GALNS: variants seen among roughly 807,000 people sequenced by gnomAD.
GALNS encodes N-acetylgalactosamine-6-sulfatase.
GALNS carries 65 observed loss-of-function variants against 65.9 expected under a neutral mutation model. The ratio of observed to expected loss-of-function variants is 0.99; its 90% CI spans 0.81 to 1.21. The LOEUF is 1.21. Among genes scored for constraint, GALNS ranks in the 50% most tolerant of loss-of-function variants. The pLI, the probability that GALNS is intolerant of heterozygous loss-of-function variation, is 0.00. For synonymous variants in GALNS, 346 were observed against 288.9 expected, an observed-to-expected ratio of 1.20 and a Z score of -2.00; for missense variants, 776 against 700.7, an observed-to-expected ratio of 1.11 and a Z score of -1.21.
intron 1 of GALNS, chr16:88,855,148 T>C (rs1280962993): frequency 3.3e-6 from 2 of 603,572 alleles, no homozygotes. Context: ...CTTTATATTT[T>C]ATTTAACCCA....
intron 11 of GALNS, 33 bp downstream of exon 11, chr16:88,824,734 G>T: frequency 6.3e-7 from 1 of 1,578,866 alleles, no homozygotes; most frequent in Admixed American, 1.7e-5. Flanking sequence ...GATGGGGGCA[G>T]CTCCGCCTGC....
rs1912009292 is a variant in GALNS, at chr16:88,835,347, C to T, written c.764G>A (p.Gly255Glu). ...GTCATCAATCTCCCGGACGGCGTCT[C>T]CATACCTGCAGGATGGTGACAAAAG... is the stretch of plus-strand genomic sequence containing the variant. ...FLGTSQRGRY[G>E]DAVREIDDSI... Residue 255 changes from glycine (G) to glutamate (E), a missense_variant, in exon 8 of 14, where the codon GGA (glycine) becomes GAA (glutamate). Coordinates refer to ENST00000268695, the MANE Select transcript of GALNS (RefSeq NM_000512.5). The T allele has an allele frequency of 6.2e-7, 1 of 1,613,534 alleles. No individual in the cohort carries two copies. The highest frequency in any genetic ancestry group is 1.7e-5 in the Admixed American group (1 of 59,922).
intron 1 of GALNS, chr16:88,855,845 G>A (rs1294279199): frequency 1.0e-5 from 5 of 499,108 alleles, no homozygotes; most frequent in African/African-American, 1.9e-5. Flanking sequence ...TCTGCTGGTC[G>A]GAGCCAGCAC....
chr16:88,837,756 A>T lies in GALNS; in HGVS notation c.432T>A (p.Gly144=). ...VSKIVGKWHL[G]HRPQFHPLKH... ...TCAGGGGGTGGAACTGGGGCCTGTG[A>T]CCCAGATGCCTGGAAACAGGAACCC... Residue 144 remains glycine, a synonymous_variant, in exon 5 of 14, where the codon GGT becomes GGA. Transcript: ENST00000268695. The T allele has an allele frequency of 6.2e-7, 1 of 1,613,890 alleles. No homozygotes were observed. Among genetic ancestry groups the T allele is most frequent in the Non-Finnish European group, 8.5e-7 (1 of 1,179,994 alleles).
chr16:88,839,811 C>G (rs926182908), intron 4 of GALNS, among the ~76,000 whole-genome samples: 3 of 152,226 alleles, frequency 2.0e-5, no homozygotes, highest in Non-Finnish European at 4.4e-5. Context: ...TCTATGGAGA[C>G]CCACTCCCTG....
chr16:88,844,114 G>C (rs1226524352), intron 1 of GALNS: 1 of 151,852 alleles, frequency 6.6e-6, no homozygotes, highest in Non-Finnish European at 1.5e-5. Flanking sequence ...TGCACGTTAA[G>C]GTGGCTGTCA....
chr16:88,824,972 T>G, intron 10 of GALNS, 103 bp from the exon 11 acceptor site: 2 of 871,310 alleles, frequency 2.3e-6, no homozygotes, highest in South Asian at 2.8e-5. Context: ...TGCCTCCACG[T>G]GAGGTCTTGG....
chr16:88,831,069 A>G (rs185098540), intron 9 of GALNS, among the ~76,000 whole-genome samples: 2 of 152,206 alleles, frequency 1.3e-5, no homozygotes, highest in Non-Finnish European at 2.9e-5. Flanking sequence ...ATGTCTCCTC[A>G]CCACACAGTC....
At chr16:88,831,920 C>A in intron 9 of GALNS, 78 bp downstream of exon 9, 5 of 1,243,836 alleles carry the variant, frequency 4.0e-6, no homozygotes, top group Non-Finnish European at 5.8e-6. Context: ...GGGGAGGTGG[C>A]CAGTGAGGGG....
chr16:88,822,162 G>A (rs1026280321), intron 12 of GALNS, among the ~76,000 whole-genome samples: 8 of 152,134 alleles, frequency 5.3e-5, no homozygotes, highest in East Asian at 1.9e-4. Context: ...CGCAGACTCC[G>A]GCATCCTCGG....
chr16:88,817,556 G>A (rs2142980319), intron 13 of GALNS: 1 of 981,552 alleles, frequency 1.0e-6, no homozygotes, highest in East Asian at 1.1e-4. Flanking sequence ...GACCCACCGG[G>A]CAGTGCCGTT....
chr16:88,816,352 C>T, intron 13 of GALNS: 1 of 985,430 alleles, frequency 1.0e-6, no homozygotes, highest in Non-Finnish European at 1.2e-6. Flanking sequence ...GGCCAGGGCT[C>T]CTCCACGGCT....
chr16:88,824,894 T>C (rs769112012), intron 10 of GALNS, 25 bp from the exon 11 acceptor site: 29 of 1,604,046 alleles, frequency 1.8e-5, no homozygotes, highest in Non-Finnish European at 2.1e-5. Flanking sequence ...GGGAGGACCA[T>C]GTAATGACAG....
At chr16:88,818,266 G>A in intron 12 of GALNS, 142 bp from the exon 13 acceptor site, 1 of 742,984 alleles carries the variant, frequency 1.3e-6, no homozygotes, top group East Asian at 2.7e-5. Context: ...GCTCAAGCCT[G>A]CAGCGGCCCC....
chr16:88,850,798 A>G lies in GALNS; in HGVS notation c.120+5960T>C, dbSNP rs113899624. On this transcript the variant is annotated intron_variant, in intron 1 of 13. Coordinates refer to ENST00000268695, the MANE Select transcript of GALNS (RefSeq NM_000512.5). The stretch of plus-strand genomic sequence containing the variant: ...GACTCAGTTCCCAGGGCTTTTGCCT[A>G]GGCTGGCAGTGCGGCCGCCTCTGCC... Among the ~76,000 whole-genome samples, 553 of 152,356 alleles carry G rather than the reference A, an allele frequency of 3.6e-3. 2 individuals carry two copies. Among genetic ancestry groups the G allele is most frequent in the African/African-American group, 0.012 (518 of 41,592 alleles).
intron 2 of GALNS, chr16:88,842,316 G>C (rs1315069270): frequency 3.9e-6 from 2 of 512,956 alleles, no homozygotes; most frequent in African/African-American, 1.9e-5. Context: ...TCTTCCTCAC[G>C]ATCAACACCA....
rs1472943616 is a variant in GALNS at position 88,822,447 on chromosome 16, G to A, written c.1364+142C>T. 1.1e-5 allele frequency: 12 copies of A among 1,113,582 alleles called. 1 individual carries two copies. Among genetic ancestry groups the A allele is most frequent in the South Asian group, 1.0e-4 (8 of 76,876 alleles). 69.0% of individuals were successfully genotyped at this position (1,113,582 alleles called of 1,614,324 possible). The stretch of plus-strand genomic sequence containing the variant: ...GGGAGGAGGGCAGGCCACCAAGCAC[G>A]TGTGGGTATGAATAGCAACAGCAGA... On this transcript the variant is annotated intron_variant, in intron 12 of 13. Transcript: ENST00000268695.
rs75749244 is a variant in GALNS at position 88,854,713 on chromosome 16, G to C, written c.120+2045C>G. ...ACCATCACAGGCTGAGTGAGGATGT[G>C]GCCAGTTCAGAGGCAGCAGAGCCAC... On this transcript the variant is annotated intron_variant, in intron 1 of 13. Transcript: ENST00000268695. Among the ~76,000 whole-genome samples, 656 of 152,372 alleles carry C rather than the reference G, an allele frequency of 4.3e-3. 9 individuals carry two copies. Among genetic ancestry groups the C allele is most frequent in the South Asian group, 0.035 (167 of 4,832 alleles).
chr16:88,856,543 C>T, intron 1 of GALNS: 1 of 696,872 alleles, frequency 1.4e-6, no homozygotes, highest in Admixed American at 2.0e-5. Flanking sequence ...GACCCCGCGG[C>T]CACTCCCCGA....
Sources: allele counts gnomAD v4.1 joint callset (sites outside exome capture counted in the v4.1 genomes callset), GRCh38; gene constraint gnomAD v4.1.1; transcripts MANE v1.5; gene names NCBI Gene and HGNC (gene_info 2026-07-23, HGNC 2026-07-21).